NLGN1: variants seen among roughly 807,000 people sequenced by gnomAD.
NLGN1 encodes the protein neuroligin 1.
In NLGN1, 12 loss-of-function variants were observed where a neutral mutation model predicts 65.5. The observed-to-expected ratio is 0.18, with a 90% CI of 0.12 to 0.30. The LOEUF (loss-of-function observed/expected upper bound fraction) is 0.30, where lower values mean the gene tolerates loss of function less well. Ranked by LOEUF, NLGN1 falls within the 10% of genes least tolerant of loss-of-function variation. The pLI, the probability that NLGN1 is intolerant of heterozygous loss-of-function variation, is 1.00. For missense variants in NLGN1, 750 were observed against 1,007.1 expected (o/e 0.74, Z 3.46); for synonymous variants, 350 against 359.5 (o/e 0.97, Z 0.30).
chr3:173,613,418 G>T (rs1316281033), intron 3 of NLGN1, among the ~76,000 whole-genome samples: 1 of 151,934 alleles, frequency 6.6e-6, no homozygotes, highest in Non-Finnish European at 1.5e-5. Context: ...CTTTTAATTT[G>T]TTTTTTGGTA....
At chr3:174,248,733 C>T (rs985592150) in intron 4 of NLGN1, among the ~76,000 whole-genome samples, 1 of 152,138 alleles carries the variant, frequency 6.6e-6, no homozygotes, top group African/African-American at 2.4e-5. Context: ...TGCACTGTAG[C>T]CTGGGCAACG....
intron 3 of NLGN1, among the ~76,000 whole-genome samples, chr3:173,754,881 CTTTA>C (rs1016438864): frequency 1.8e-4 from 27 of 152,064 alleles, no homozygotes; most frequent in Non-Finnish European, 3.2e-4. Flanking sequence ...ATTCATTACA[CTTTA>C]TTTAATTTAT....
chr3:173,531,481 C>T (rs1019855543), intron 2 of NLGN1, among the ~76,000 whole-genome samples: 1 of 151,480 alleles, frequency 6.6e-6, no homozygotes, highest in African/African-American at 2.4e-5. Context: ...CTTTTGAAAG[C>T]TATTTCTAGC....
intron 3 of NLGN1, among the ~76,000 whole-genome samples, chr3:173,629,694 T>C (rs1755374910): frequency 6.6e-6 from 1 of 152,126 alleles, no homozygotes; most frequent in Non-Finnish European, 1.5e-5. Flanking sequence ...GACAACTCCT[T>C]TGAATCATGT....
intron 3 of NLGN1, among the ~76,000 whole-genome samples, chr3:173,634,676 G>T (rs1756297412): frequency 6.6e-6 from 1 of 151,946 alleles, no homozygotes. Flanking sequence ...TTTATTTATT[G>T]CATTTATAAT....
chr3:174,068,492 C>G (rs1268958025), intron 4 of NLGN1, among the ~76,000 whole-genome samples: 1 of 151,916 alleles, frequency 6.6e-6, no homozygotes, highest in African/African-American at 2.4e-5. Context: ...TTCACAGCGC[C>G]TAAAATGCCA....
chr3:174,269,958 G>A (rs1749030734), intron 4 of NLGN1, among the ~76,000 whole-genome samples: 1 of 151,740 alleles, frequency 6.6e-6, no homozygotes, highest in African/African-American at 2.4e-5. Flanking sequence ...TTGTCCATTT[G>A]TATATCATCT....
At chr3:173,750,670 G>C (rs1373981273) in intron 3 of NLGN1, among the ~76,000 whole-genome samples, 2 of 152,034 alleles carry the variant, frequency 1.3e-5, no homozygotes, top group African/African-American at 4.8e-5. Flanking sequence ...AATTATTGTT[G>C]TACACTGCAG....
chr3:174,245,408 TC>T (rs1743612294), intron 4 of NLGN1, among the ~76,000 whole-genome samples: 1 of 152,168 alleles, frequency 6.6e-6, no homozygotes, highest in South Asian at 2.1e-4. Flanking sequence ...ACTTTACCCA[TC>T]CTAAAAACTA....
intron 2 of NLGN1, among the ~76,000 whole-genome samples, chr3:173,538,756 G>A (rs889778671): frequency 1.4e-4 from 21 of 152,108 alleles, no homozygotes; most frequent in African/African-American, 5.1e-4. Context: ...CTAGGTAATT[G>A]CGGAAAGAAG....
At position 174,280,936 on chromosome 3, in the gene NLGN1, A is replaced by G. The variant is rs796812559; in HGVS notation, c.2105A>G (p.Asp702Gly). Residue 702 changes from aspartate to glycine, a missense_variant, in exon 7 of 7, where the codon GAT (aspartate) becomes GGT (glycine). Asp to Gly is a moderately conservative substitution (Grantham distance 94, BLOSUM62 -1). Coordinates refer to ENST00000457714, the Ensembl canonical transcript of NLGN1. This position sits in a 1 kb window ranked among gnomAD's most constrained non-coding sequence, Gnocchi z 4.9. ...TTTGCAGCCCTGTACTACAAAAAGG[A>G]TAAGAGGAGACATGATGTTCACAGG... 2 of 1,613,376 alleles carry G rather than the reference A, an allele frequency of 1.2e-6. No homozygotes were observed. Among genetic ancestry groups the G allele is most frequent in the Admixed American group, 1.7e-5 (1 of 59,886 alleles).
In NLGN1 at chr3:173,826,005, AAC is replaced by A. The variant is rs563148526; in HGVS notation, c.646+18177_646+18178del. ...TATACCTGCACCTATGAGACATACTAACACAAAAAACTAACAAATGTAGTTTT... is the reference window on the plus strand; with the variant it reads ...TATACCTGCACCTATGAGACATACTAACAAAAAACTAACAAATGTAGTTTT... On this transcript the variant is annotated intron_variant, in intron 4 of 6. Coordinates refer to ENST00000457714, the Ensembl canonical transcript of NLGN1. 2.2e-3 allele frequency among the ~76,000 whole-genome samples: 329 copies of A among 152,200 alleles called. 1 individual carries two copies. Among genetic ancestry groups the A allele is most frequent in the African/African-American group, 7.6e-3 (317 of 41,538 alleles).
intron 3 of NLGN1, among the ~76,000 whole-genome samples, chr3:173,749,746 A>G (rs535463070): frequency 1.3e-5 from 2 of 152,216 alleles, no homozygotes; most frequent in South Asian, 4.1e-4. Context: ...ATTATAACCT[A>G]TTAAACATTA....
chr3:174,093,889 C>T (rs1335578738), intron 4 of NLGN1, among the ~76,000 whole-genome samples: 1 of 151,986 alleles, frequency 6.6e-6, no homozygotes, highest in African/African-American at 2.4e-5. Flanking sequence ...CTTTTTTTCC[C>T]TCTCTAATGG....
At chr3:173,412,374 T>C (rs777570223) in intron 1 of NLGN1, among the ~76,000 whole-genome samples, 1 of 151,976 alleles carries the variant, frequency 6.6e-6, no homozygotes, top group African/African-American at 2.4e-5. Context: ...CAGGTGATTT[T>C]GCTGTAGAGC....
intron 4 of NLGN1, among the ~76,000 whole-genome samples, chr3:174,086,787 TTTC>T (rs1240756576): frequency 6.6e-6 from 1 of 152,136 alleles, no homozygotes; most frequent in Non-Finnish European, 1.5e-5. Flanking sequence ...CATTTATTTT[TTTC>T]TTACTTTAAA....
intron 4 of NLGN1, among the ~76,000 whole-genome samples, chr3:174,095,533 C>A (rs1301241441): frequency 1.6e-5 from 2 of 127,178 alleles, no homozygotes; most frequent in African/African-American, 7.5e-5. Context: ...CATTATATAT[C>A]TATATATATA....
intron 4 of NLGN1, among the ~76,000 whole-genome samples, chr3:173,870,973 G>A (rs2150867200): frequency 6.6e-6 from 1 of 152,306 alleles, no homozygotes; most frequent in East Asian, 1.9e-4. Context: ...CCTGGATGGA[G>A]GCTGGTGACC....
intron 4 of NLGN1, among the ~76,000 whole-genome samples, chr3:174,152,301 A>G (rs1724523097): frequency 6.6e-6 from 1 of 152,198 alleles, no homozygotes; most frequent in Non-Finnish European, 1.5e-5. Flanking sequence ...ACATAAATAT[A>G]TCATCTAAAC....
Sources: gnomAD v4.1 joint callset for allele counts (sites outside exome capture counted in the v4.1 genomes callset) on GRCh38, gnomAD v4.1.1 for gene constraint, Gnocchi (gnomAD v3.1) non-coding constraint, MANE v1.5 for transcripts, NCBI Gene and HGNC (gene_info 2026-07-23, HGNC 2026-07-21) for gene names.